SCAMP5: variants seen among roughly 807,000 people sequenced by gnomAD.
SCAMP5 encodes the protein secretory carrier membrane protein 5.
Under a neutral mutation model 28.3 loss-of-function variants are expected in SCAMP5, and 7 were observed. The ratio of observed to expected loss-of-function variants is 0.25; its 90% CI spans 0.14 to 0.46. The LOEUF is 0.46. Ranked by LOEUF, SCAMP5 falls within the 20% of genes least tolerant of loss-of-function variation. The pLI is 0.99. For missense variants in SCAMP5, 192 were observed against 312.5 expected, an observed-to-expected ratio of 0.61 and a Z score of 2.91; for synonymous variants, 117 against 116.4, an observed-to-expected ratio of 1.00 and a Z score of -0.03.
intron 1 of SCAMP5, chr15:75,007,577 GT>G: frequency 6.6e-6 from 1 of 150,930 alleles, no homozygotes; most frequent in Non-Finnish European, 1.5e-5. Flanking sequence ...TTTTGTTTTT[GT>G]TTTTTTGAGA....
rs534745830 is a variant in SCAMP5 at position 75,017,178 on chromosome 15, A to G, written c.293+429A>G. 1.5e-3 allele frequency among the ~76,000 whole-genome samples: 221 copies of G among 152,062 alleles called. 1 individual carries two copies. The highest frequency in any genetic ancestry group is 2.4e-3 in the Non-Finnish European group (165 of 67,980). On this transcript the variant is annotated intron_variant, in intron 4 of 6. Transcript: ENST00000425597. ...GACCAGCCAGCCATGTACCATTGACACTGTTCATGTGCAATGAGGTCATCC... is the reference window on the plus strand; with the variant it reads ...GACCAGCCAGCCATGTACCATTGACGCTGTTCATGTGCAATGAGGTCATCC...
chr15:75,014,514 C>A (rs1473925084), intron 3 of SCAMP5, among the ~76,000 whole-genome samples: 1 of 152,178 alleles, frequency 6.6e-6, no homozygotes, highest in Non-Finnish European at 1.5e-5. Context: ...ACACAAGGTT[C>A]ATTTGACATT....
At chr15:75,016,779 A>G in intron 4 of SCAMP5, 30 bp downstream of exon 4, 2 of 1,580,436 alleles carry the variant, frequency 1.3e-6, no homozygotes, top group Non-Finnish European at 1.7e-6. Context: ...CGCAGTGCCT[A>G]GCCGTCTCTG....
chr15:75,005,387 GA>G (rs1168292644), intron 1 of SCAMP5, among the ~76,000 whole-genome samples: 2 of 151,862 alleles, frequency 1.3e-5, no homozygotes, highest in Non-Finnish European at 2.9e-5. Context: ...TTGAACTTGG[GA>G]GGCGGAGGTT....
intron 1 of SCAMP5, among the ~76,000 whole-genome samples, chr15:75,004,068 C>A (rs1344994294): frequency 6.6e-6 from 1 of 151,830 alleles, no homozygotes; most frequent in Non-Finnish European, 1.5e-5. Context: ...CCATGCCCGG[C>A]TAATTTTGTA....
intron 1 of SCAMP5, among the ~76,000 whole-genome samples, chr15:75,009,336 G>A (rs2065789412): frequency 6.6e-6 from 1 of 151,744 alleles, no homozygotes; most frequent in Admixed American, 6.6e-5. Context: ...GATGTTACTG[G>A]GTTTTTGTAT....
intron 1 of SCAMP5, among the ~76,000 whole-genome samples, chr15:75,000,001 G>T (rs1047621136): frequency 7.9e-5 from 12 of 152,112 alleles, no homozygotes; most frequent in African/African-American, 2.9e-4. Context: ...TGTGTGGAAT[G>T]ATCTCATTTT....
In SCAMP5 at chr15:75,019,131, A is replaced by ATG; in HGVS notation, c.*149_*150insGT. On this transcript the variant is annotated 3_prime_UTR_variant, in exon 7 of 7. Transcript: ENST00000425597. ...AAGGACCAGAGTTATATATATATAT[A>ATG]TATGTATATGTCTGTACCCCAGCCC... The ATG allele has an allele frequency of 2.1e-6, 1 of 477,848 alleles. No individual in the cohort carries two copies. The allele number at this position is 477,848 out of a possible 1,614,324, so 29.6% of individuals were successfully genotyped here. A position where few individuals can be genotyped will look rare whatever the true frequency, so the allele number is the denominator to read the frequency against.
At chr15:75,012,891 C>A in intron 3 of SCAMP5, 86 bp downstream of exon 3, 1 of 1,317,774 alleles carries the variant, frequency 7.6e-7, no homozygotes, top group Non-Finnish European at 1.1e-6. Flanking sequence ...GGGGTGCCCA[C>A]AGGCCTGACT....
At chr15:75,002,834 T>C (rs971490856) in intron 1 of SCAMP5, among the ~76,000 whole-genome samples, 2 of 152,104 alleles carry the variant, frequency 1.3e-5, no homozygotes, top group Admixed American at 6.6e-5. Context: ...TGTTCCAAAT[T>C]TTGTCAGTTC....
In SCAMP5 at chr15:75,019,342, G is replaced by A. The variant is rs1337216022; in HGVS notation, c.*359G>A. 1 of 159,144 alleles carries A rather than the reference G, an allele frequency of 6.3e-6. No individual in the cohort carries two copies. The highest frequency in any genetic ancestry group is 2.4e-5 in the African/African-American group (1 of 41,678). 9.9% of individuals were successfully genotyped at this position (159,144 alleles called of 1,614,324 possible). A position where few individuals can be genotyped will look rare whatever the true frequency, so the allele number is the denominator to read the frequency against. Reference sequence around the variant, plus strand: ...CCCTCCACCTGCCCCTCTTGCCTCTGGCCCCTCTGACCCTGGCCCAGGGAC... The same window carrying A: ...CCCTCCACCTGCCCCTCTTGCCTCTAGCCCCTCTGACCCTGGCCCAGGGAC... On this transcript the variant is annotated 3_prime_UTR_variant, in exon 7 of 7. Coordinates refer to ENST00000425597, the MANE Select transcript of SCAMP5 (RefSeq NM_138967.4).
At chr15:75,002,548 G>C (rs916936324) in intron 1 of SCAMP5, among the ~76,000 whole-genome samples, 2 of 151,954 alleles carry the variant, frequency 1.3e-5, no homozygotes, top group African/African-American at 4.8e-5. Flanking sequence ...ATTCACAGCT[G>C]ACTCGATGCT....
At chr15:75,010,698 C>G (rs1190641111) in intron 1 of SCAMP5, among the ~76,000 whole-genome samples, 3 of 152,024 alleles carry the variant, frequency 2.0e-5, no homozygotes, top group Non-Finnish European at 4.4e-5. Context: ...TCTAGCTACT[C>G]AAGAGGCTGA....
intron 1 of SCAMP5, among the ~76,000 whole-genome samples, chr15:75,001,149 CTG>C (rs931948899): frequency 1.2e-4 from 18 of 151,318 alleles, no homozygotes; most frequent in Non-Finnish European, 1.3e-4. Flanking sequence ...TGGCGGGTGT[CTG>C]TAGTCCCAGC....
intron 3 of SCAMP5, among the ~76,000 whole-genome samples, chr15:75,016,190 C>T (rs2065857782): frequency 6.6e-6 from 1 of 152,116 alleles, no homozygotes; most frequent in South Asian, 2.1e-4. Flanking sequence ...GCATTTCTAC[C>T]ACCCTGAGGC....
At chr15:75,011,745 G>T in intron 1 of SCAMP5, 47 bp from the exon 2 acceptor site, 2 of 1,034,192 alleles carry the variant, frequency 1.9e-6, no homozygotes, top group South Asian at 1.4e-5. Flanking sequence ...GGACTGGGTT[G>T]GGTGTGGCCC....
intron 1 of SCAMP5, among the ~76,000 whole-genome samples, chr15:75,004,106 G>A (rs1307596029): frequency 6.6e-6 from 1 of 151,900 alleles, no homozygotes; most frequent in East Asian, 1.9e-4. Flanking sequence ...GTTTCTCCAT[G>A]TTGGTCAGGC....
In SCAMP5 at chr15:75,019,117, T is replaced by TTATATA. The variant is rs71434247; in HGVS notation, c.*146_*151dup. On this transcript the variant is annotated 3_prime_UTR_variant, in exon 7 of 7. Coordinates refer to ENST00000425597, the MANE Select transcript of SCAMP5 (RefSeq NM_138967.4). ...CCCTACTTTGTACAAAGGACCAGAG[T>TTATATA]TATATATATATATATATGTATATGT... 360 of 485,670 alleles carry TTATATA rather than the reference T, an allele frequency of 7.4e-4. No individual in the cohort carries two copies. Among genetic ancestry groups the TTATATA allele is most frequent in the African/African-American group, 6.2e-3 (296 of 48,122 alleles). The allele number at this position is 485,670 out of a possible 1,614,324, so 30.1% of individuals were successfully genotyped here. A position where few individuals can be genotyped will look rare whatever the true frequency, so the allele number is the denominator to read the frequency against.
At chr15:74,998,742 T>C (rs1312228225) in intron 1 of SCAMP5, among the ~76,000 whole-genome samples, 1 of 149,292 alleles carries the variant, frequency 6.7e-6, no homozygotes, top group African/African-American at 2.5e-5. Flanking sequence ...TCTGTGACCC[T>C]AGTCTTTTAC....
Sources: allele counts gnomAD v4.1 joint callset (sites outside exome capture counted in the v4.1 genomes callset), GRCh38; gene constraint gnomAD v4.1.1; transcripts MANE v1.5; gene names NCBI Gene and HGNC (gene_info 2026-07-23, HGNC 2026-07-21).